Variants in SCARA3 observed in about 807,000 individuals in gnomAD.
The protein encoded by SCARA3 is scavenger receptor class A member 3.
SCARA3 carries 39 observed loss-of-function variants against 47.0 expected under a neutral mutation model. The observed-to-expected ratio is 0.83, with a 90% confidence interval of 0.64 to 1.08. The LOEUF is 1.08. Among genes scored for constraint, SCARA3 ranks in the 50% least tolerant of loss-of-function variants. The pLI is 0.00. For synonymous variants in SCARA3, 356 were observed against 334.1 expected, an observed-to-expected ratio of 1.07 and a Z score of -0.71; for missense variants, 724 against 792.3, an observed-to-expected ratio of 0.91 and a Z score of 1.04.
chr8:27,731,073 T>C, the SCARA3 span, among the ~76,000 whole-genome samples: 1 of 149,450 alleles, frequency 6.7e-6, no homozygotes, highest in African/African-American at 2.5e-5. Context: ...ATTTGTGTGT[T>C]TTGTTTACCC....
the SCARA3 span, among the ~76,000 whole-genome samples, chr8:27,725,474 A>C: frequency 6.6e-6 from 1 of 150,974 alleles, no homozygotes; most frequent in African/African-American, 2.4e-5. Context: ...AGTAAAAAGA[A>C]ATTTTAAGGA....
chr8:27,654,663 G>A (rs1219692350), intron 3 of SCARA3, among the ~76,000 whole-genome samples: 1 of 152,082 alleles, frequency 6.6e-6, no homozygotes, highest in Non-Finnish European at 1.5e-5. Flanking sequence ...GGCGGCACAT[G>A]CCAGTAGTCC....
chr8:27,639,771 A>G (rs1355192989), intron 1 of SCARA3, among the ~76,000 whole-genome samples: 1 of 152,242 alleles, frequency 6.6e-6, no homozygotes, highest in Admixed American at 6.5e-5. Context: ...GGAGCAGTCC[A>G]GGACACAGGC....
chr8:27,709,537 G>T, the SCARA3 span, among the ~76,000 whole-genome samples: 1 of 152,178 alleles, frequency 6.6e-6, no homozygotes, highest in African/African-American at 2.4e-5. Flanking sequence ...TGAGGCAGGG[G>T]GAGGCGCTTG....
chr8:27,710,836 G>C, the SCARA3 span, among the ~76,000 whole-genome samples: 1 of 150,940 alleles, frequency 6.6e-6, no homozygotes, highest in African/African-American at 2.4e-5. Context: ...ATGTTCTGCT[G>C]TTCCAGATCT....
chr8:27,674,727 T>C (rs1202653715), downstream of SCARA3, among the ~76,000 whole-genome samples: 121 of 128,652 alleles, frequency 9.4e-4, no homozygotes, highest in African/African-American at 3.0e-3. Context: ...TTCTCTCTCT[T>C]TTTTTTTTTT....
chr8:27,688,036 A>G, the SCARA3 span, among the ~76,000 whole-genome samples: 2 of 152,148 alleles, frequency 1.3e-5, no homozygotes, highest in Admixed American at 6.6e-5. Context: ...AATGAAAAGC[A>G]AGGAAGAACT....
chr8:27,688,324 TG>T, the SCARA3 span, among the ~76,000 whole-genome samples: 1 of 150,608 alleles, frequency 6.6e-6, no homozygotes, highest in South Asian at 2.1e-4. Flanking sequence ...TGACTTATGA[TG>T]GGGAAGGAGG....
chr8:27,643,246 CCCACAA>C (rs1461936077), intron 1 of SCARA3, among the ~76,000 whole-genome samples: 1 of 152,156 alleles, frequency 6.6e-6, no homozygotes, highest in East Asian at 1.9e-4. Flanking sequence ...CAGGGATTTA[CCCACAA>C]CCTCTGTGGT....
the SCARA3 span, among the ~76,000 whole-genome samples, chr8:27,700,603 C>T: frequency 1.3e-4 from 7 of 52,078 alleles, no homozygotes; most frequent in Admixed American, 3.0e-4. Context: ...CAAAACTCTA[C>T]CTCAAAAATA....
chr8:27,660,491 GGATA>G (rs34842841), intron 5 of SCARA3, among the ~76,000 whole-genome samples: 44,061 of 150,462 alleles, frequency 0.29, 6,895 homozygotes, highest in East Asian at 0.64. Context: ...TGATAGAAAT[GGATA>G]GATAGATAGA....
At chr8:27,697,138 T>C in the SCARA3 span, 10 of 181,668 alleles carry the variant, frequency 5.5e-5, no homozygotes, top group African/African-American at 2.3e-4. Flanking sequence ...ACTCAGTGTC[T>C]GTAAAAGGCA....
chr8:27,653,221 C>T (rs1801670167), intron 3 of SCARA3, among the ~76,000 whole-genome samples: 1 of 152,144 alleles, frequency 6.6e-6, no homozygotes, highest in Admixed American at 6.5e-5. Context: ...GCGCAGGCAC[C>T]GAAGAGTTTC....
chr8:27,724,540 C>A, the SCARA3 span, among the ~76,000 whole-genome samples: 1 of 152,140 alleles, frequency 6.6e-6, no homozygotes, highest in Non-Finnish European at 1.5e-5. Flanking sequence ...TGCCTGTAAT[C>A]CCAGCTACTT....
At position 27,652,930 on chromosome 8, in the gene SCARA3, C is replaced by T. The variant is rs538382133; in HGVS notation, c.226+1303C>T. 8.5e-5 allele frequency among the ~76,000 whole-genome samples: 13 copies of T among 152,256 alleles called. No homozygotes were observed. In the East Asian group the frequency reaches 1.2e-3, roughly 14 times the overall value. ...TAAATCCCTTCAGGGGATTCCAGTC[C>T]GCAGCTAGATTTAAGAACCAAGGAT... On this transcript the variant is annotated intron_variant, in intron 3 of 5. Transcript: ENST00000301904.
chr8:27,670,856 A>T (rs770179397), intron 5 of SCARA3, 44 bp from the exon 6 acceptor site: 11 of 1,472,900 alleles, frequency 7.5e-6, no homozygotes, highest in Non-Finnish European at 8.2e-6. Flanking sequence ...TCGGGTGGGG[A>T]GCCCCTGACA....
the SCARA3 span, among the ~76,000 whole-genome samples, chr8:27,717,872 G>A: frequency 6.6e-6 from 1 of 152,104 alleles, no homozygotes; most frequent in African/African-American, 2.4e-5. Context: ...TAATGCCTTA[G>A]CACGGCGTTA....
At chr8:27,658,326 A>C (rs1253207453) in intron 4 of SCARA3, among the ~76,000 whole-genome samples, 170 bp from the exon 5 acceptor site, 2 of 152,226 alleles carry the variant, frequency 1.3e-5, no homozygotes, top group Non-Finnish European at 2.9e-5. Flanking sequence ...ATGAGATTCC[A>C]TAGAGGTGGC....
intron 3 of SCARA3, among the ~76,000 whole-genome samples, chr8:27,652,501 G>A (rs1036817251): frequency 2.0e-5 from 3 of 152,176 alleles, no homozygotes; most frequent in Non-Finnish European, 4.4e-5. Flanking sequence ...TCGAGGCTCC[G>A]AGGGGGGCCC....
Sources: allele counts gnomAD v4.1 joint callset (sites outside exome capture counted in the v4.1 genomes callset), GRCh38; gene constraint gnomAD v4.1.1; transcripts MANE v1.5; gene names NCBI Gene and HGNC (gene_info 2026-07-23, HGNC 2026-07-21).